The following NEB variants were observed in gnomAD, a reference collection of about 807,000 sequenced individuals.
NEB encodes nebulin.
NEB carries 512 observed loss-of-function variants against 952.2 expected under a neutral mutation model. That is an observed-to-expected ratio of 0.54 (90% CI 0.50 to 0.58). The LOEUF is 0.58. Ranked by LOEUF, NEB falls within the 20% of genes least tolerant of loss-of-function variation. NEB has a pLI of 0.00. For missense variants in NEB, 8,428 were observed against 9,231.1 expected (o/e 0.91, Z 3.56); for synonymous variants, 2,900 against 3,149.8 (o/e 0.92, Z 2.66).
At chr2:151,526,872 T>C (rs1213010501) in intron 148 of NEB, 46 bp downstream of exon 148, 1 of 1,306,932 alleles carries the variant, frequency 7.7e-7, no homozygotes, top group South Asian at 1.3e-5. Flanking sequence ...CCATGGAAGA[T>C]GGCCCTGAGT....
rs548258921 is a variant in NEB, at chr2:151,620,036, C to A, written c.10561-274G>T. Among the ~76,000 whole-genome samples, 3 of 151,932 alleles carry A rather than the reference C, an allele frequency of 2.0e-5. No individual in the cohort carries two copies. The South Asian group carries it at 6.2e-4, about 32-fold the overall frequency. On this transcript the variant is annotated intron_variant, in intron 72 of 181. Transcript: ENST00000397345. The stretch of plus-strand genomic sequence containing the variant: ...TGAAGAGTCCAATTACAGTAATAAA[C>A]CATGATGGTGTCTCAGAAATCCATC...
rs995500638 is a variant in NEB, at chr2:151,548,346, A to C, written c.20119T>G (p.Phe6707Val). The C allele has an allele frequency of 6.2e-7, 1 of 1,613,772 alleles. No individual in the cohort carries two copies. The change falls in exon 131 of 182, where the codon TTT becomes GTT. Residue 6707 changes from phenylalanine (F) to valine (V), a missense_variant. Phe to Val is a conservative substitution (Grantham distance 50). This residue lies in a region of NEB where 3,374 missense variants were observed against 3,651.5 expected (regional missense o/e 0.92). Transcript: ENST00000397345. ...TTGTTGACTCTCCGGACGTGGACAA[A>C]TGGAACATCTTTGGGGCCAAGTGTA... is the stretch of plus-strand genomic sequence containing the variant. ...GYTLGPKDVP[F>V]VHVRRVNNVT...
intron 129 of NEB, among the ~76,000 whole-genome samples, chr2:151,550,283 A>G (rs1259021584): frequency 6.6e-6 from 1 of 151,976 alleles, no homozygotes; most frequent in Non-Finnish European, 1.5e-5. Context: ...AAAAAAAAAA[A>G]AAAAAAACAC....
rs117632493 is a variant in NEB at position 151,490,199 on chromosome 2, C to A, written c.25298-122G>T. ...TAGAATGATTTCCAAAAAGAGAAAT[C>A]AAAGAAAATGAAACATCTAACTTCA... On this transcript the variant is annotated intron_variant, in intron 180 of 181. Transcript: ENST00000397345. 1,801 of 1,184,212 alleles carry A rather than the reference C, an allele frequency of 1.5e-3. 42 individuals carry two copies. The East Asian group carries it at 0.039, about 25-fold the overall frequency. 73.4% of individuals were successfully genotyped at this position (1,184,212 alleles called of 1,614,324 possible).
Position 151,524,333 on chromosome 2 carries a change from T to G in NEB, c.22457A>C (p.Lys7486Thr), listed in dbSNP as rs1414907108. 3.7e-6 allele frequency: 6 copies of G among 1,613,770 alleles called. No homozygotes were observed. The highest frequency in any genetic ancestry group is 3.3e-5 in the Admixed American group (2 of 60,006). The stretch of plus-strand genomic sequence containing the variant: ...TACCTGGCTGCTCAGCTTGGCTGCC[T>G]TCTTGGCCATTTCTATGTCTGGGCG... ...LGRPDIEMAK[K>T]AAKLSSQVKY... Residue 7486 changes from lysine (K) to threonine (T), a missense_variant, in exon 153 of 182, where the codon AAG (lysine) becomes ACG (threonine). Transcript: ENST00000397345.
At chr2:151,696,920 A>G (rs892168576) in intron 16 of NEB, among the ~76,000 whole-genome samples, 185 bp from the exon 17 acceptor site, 3 of 152,240 alleles carry the variant, frequency 2.0e-5, no homozygotes, top group African/African-American at 7.2e-5. Flanking sequence ...AAACTTTCCT[A>G]TATCTTCGGG....
Position 151,485,949 on chromosome 2 carries a change from G to A in NEB, c.25405-16C>T. On this transcript the variant is annotated splice_polypyrimidine_tract_variant and intron_variant, in intron 181 of 181. Transcript: ENST00000397345. ...GGAAGATTTTCTATTCGTGGGGATG[G>A]AAAAGGGGAAATATTATATGTTGGA... is the stretch of plus-strand genomic sequence containing the variant. 2 of 1,612,206 alleles carry A rather than the reference G, an allele frequency of 1.2e-6. No homozygotes were observed. Among genetic ancestry groups the A allele is most frequent in the South Asian group, 1.1e-5 (1 of 91,044 alleles).
chr2:151,616,242 T>C (rs974599695), intron 75 of NEB, 133 bp from the exon 76 acceptor site: 2 of 616,698 alleles, frequency 3.2e-6, no homozygotes, highest in Non-Finnish European at 5.6e-6. Flanking sequence ...GGTTTATAGA[T>C]AGCTTTGCCT....
At position 151,694,119 on chromosome 2, in the gene NEB, G is replaced by A. The variant is rs573766756; in HGVS notation, c.1896+204C>T. Among the ~76,000 whole-genome samples, 3 of 152,286 alleles carry A rather than the reference G, an allele frequency of 2.0e-5. No individual in the cohort carries two copies. In the South Asian group the frequency reaches 6.2e-4, roughly 32 times the overall value. On this transcript the variant is annotated intron_variant, in intron 20 of 181. Transcript: ENST00000397345. ...AACAGAGGGCATTAAGGAGATTAAG[G>A]AAAATTTGCAGTATTCACTGGCATC...
In NEB at chr2:151,687,416, C is replaced by G. The variant is rs1559251567; in HGVS notation, c.2637+3G>C. 3 of 1,608,536 alleles carry G rather than the reference C, an allele frequency of 1.9e-6. No homozygotes were observed. The highest frequency in any genetic ancestry group is 1.7e-5 in the Admixed American group (1 of 60,020). ...AACAAGACAGATTCACAAAGACACTCACATCACTCTGGTTTTTGGCTGTCT... is the reference window on the plus strand; with the variant it reads ...AACAAGACAGATTCACAAAGACACTGACATCACTCTGGTTTTTGGCTGTCT... On this transcript the variant is annotated splice_donor_region_variant and intron_variant, in intron 27 of 181. Coordinates refer to ENST00000397345, the MANE Select transcript of NEB (RefSeq NM_001164508.2).
chr2:151,514,729 G>A, intron 158 of NEB, 89 bp downstream of exon 158: 1 of 922,148 alleles, frequency 1.1e-6, no homozygotes, highest in Non-Finnish European at 1.6e-6. Flanking sequence ...GTTAGGTGGT[G>A]ATGTAAATGG....
chr2:151,513,348 G>A (rs1230509154), intron 160 of NEB, among the ~76,000 whole-genome samples: 1 of 152,164 alleles, frequency 6.6e-6, no homozygotes, highest in East Asian at 1.9e-4. Context: ...CTCAGTTTCT[G>A]CCCTTTGCTC....
intron 54 of NEB, among the ~76,000 whole-genome samples, chr2:151,649,677 G>A (rs1238970103): frequency 6.6e-6 from 1 of 152,124 alleles, no homozygotes; most frequent in Non-Finnish European, 1.5e-5. Flanking sequence ...CTAGATACTG[G>A]TGTCAGAGCT....
intron 165 of NEB, among the ~76,000 whole-genome samples, chr2:151,503,756 C>T (rs1323863968): frequency 6.6e-6 from 1 of 152,084 alleles, no homozygotes; most frequent in Non-Finnish European, 1.5e-5. Context: ...GCTTTGGTGC[C>T]TCAAATATAG....
intron 13 of NEB, among the ~76,000 whole-genome samples, chr2:151,701,604 G>A (rs1010692225): frequency 2.6e-5 from 4 of 151,714 alleles, no homozygotes; most frequent in Non-Finnish European, 5.9e-5. Context: ...GAGATTGTAT[G>A]TGTCGAGGAA....
At chr2:151,519,198 A>T (rs1428136746) in intron 154 of NEB, 129 bp from the exon 155 acceptor site, 1 of 704,164 alleles carries the variant, frequency 1.4e-6, no homozygotes, top group Non-Finnish European at 2.5e-6. Context: ...TACCTCATTC[A>T]TAGTAGCCAG....
At chr2:151,517,272 C>G (rs1216762867) in intron 156 of NEB, among the ~76,000 whole-genome samples, 1 of 152,200 alleles carries the variant, frequency 6.6e-6, no homozygotes, top group Non-Finnish European at 1.5e-5. Flanking sequence ...TCTGGAAAAA[C>G]AGGCGAAGAC....
At position 151,575,699 on chromosome 2, in the gene NEB, C is replaced by G. The variant is rs538816636; in HGVS notation, c.17009G>C (p.Ser5670Thr). ...NLARANALNV[S>T]NKLYREGWDE... The stretch of plus-strand genomic sequence containing the variant: ...AGAGTCTGTTGTAGTACTTACATTG[C>G]TCACATTAAGAGCATTTGCTCTAGC... The change falls in exon 107 of 182, where the codon AGC becomes ACC. Residue 5670 changes from serine to threonine, a missense_variant. Ser to Thr is a moderately conservative substitution (Grantham distance 58). Transcript: ENST00000397345. The G allele has an allele frequency of 6.3e-7, 1 of 1,584,150 alleles. No homozygotes were observed. Among genetic ancestry groups the G allele is most frequent in the Non-Finnish European group, 8.7e-7 (1 of 1,152,904 alleles).
intron 170 of NEB, chr2:151,498,044 A>G (rs1462497924): frequency 2.1e-6 from 3 of 1,448,350 alleles, no homozygotes; most frequent in African/African-American, 2.9e-5. Flanking sequence ...AAATGGAAAC[A>G]TTCATTATTT....
Sources: gnomAD v4.1 joint callset for allele counts (sites outside exome capture counted in the v4.1 genomes callset) on GRCh38, gnomAD v4.1.1 for gene constraint, gnomAD v4.1.1 regional missense constraint, MANE v1.5 for transcripts, NCBI Gene and HGNC (gene_info 2026-07-23, HGNC 2026-07-21) for gene names.